Variants in MOB1A observed in about 807,000 individuals in gnomAD.
MOB1A encodes the protein MOB kinase activator 1A, also known as MOB1 Mps One Binder homolog A.
MOB1A carries 10 observed loss-of-function variants against 25.1 expected under a neutral mutation model. That is an observed-to-expected ratio of 0.40 (90% CI 0.25 to 0.68). The LOEUF is 0.68. Among genes scored for constraint, MOB1A ranks in the 30% least tolerant of loss-of-function variants. The pLI, the probability that MOB1A is intolerant of heterozygous loss-of-function variation, is 0.40. For synonymous variants in MOB1A, 81 were observed against 79.5 expected (o/e 1.02, Z -0.10); for missense variants, 177 against 256.3 (o/e 0.69, Z 2.11).
chr2:74,156,579 T>G lies in MOB1A; in HGVS notation c.640A>C (p.Lys214Gln). The G allele has an allele frequency of 6.4e-7, 1 of 1,552,870 alleles. No homozygotes were observed. Among genetic ancestry groups the G allele is most frequent in the South Asian group, 1.2e-5 (1 of 84,192 alleles). Reference protein sequence around the residue: ...LQELIEKLGSKDR With the variant: ...LQELIEKLGSQDR ...TCTAGAAGAAACATTTATCTGTCTT[T>G]TGATCCAAGTTTCTCTATTAATTCT... Residue 214 changes from lysine (K) to glutamine (Q), a missense_variant, in exon 6 of 6, where the codon AAA (lysine) becomes CAA (glutamine). Coordinates refer to ENST00000396049, the MANE Select transcript of MOB1A (RefSeq NM_018221.5).
At chr2:74,177,191 TA>T (rs1693500974) in intron 1 of MOB1A, among the ~76,000 whole-genome samples, 1 of 151,918 alleles carries the variant, frequency 6.6e-6, no homozygotes, top group Non-Finnish European at 1.5e-5. Context: ...CCGGCGCCTG[TA>T]ATCCCAGCTA....
chr2:74,171,904 AAAATAAAT>A (rs58041450), intron 2 of MOB1A, among the ~76,000 whole-genome samples: 60 of 151,998 alleles, frequency 3.9e-4, no homozygotes, highest in Non-Finnish European at 7.6e-4. Context: ...CTCCATCTCA[AAAATAAAT>A]AAATAAATAA....
chr2:74,159,597 A>T (rs930980759), intron 4 of MOB1A, among the ~76,000 whole-genome samples: 2 of 152,026 alleles, frequency 1.3e-5, no homozygotes, highest in African/African-American at 2.4e-5. Context: ...AAGTTTACAC[A>T]CTGCCATGAG....
chr2:74,173,076 C>A lies in MOB1A; in HGVS notation c.15-324G>T. The A allele has an allele frequency of 8.8e-6, 4 of 456,290 alleles. No individual in the cohort carries two copies. The Admixed American group carries it at 9.6e-5, about 11-fold the overall frequency. 28.3% of individuals were successfully genotyped at this position (456,290 alleles called of 1,614,324 possible). ...GCTTGAACCTGGGAGGCAGAGGTTG[C>A]AGTAAGCTGAAATCGCATCACTGCA... On this transcript the variant is annotated intron_variant, in intron 1 of 5. Transcript: ENST00000396049.
chr2:74,178,561 CCGCCTCGGCCCCCAGGCCGAGCCCT>C, intron 1 of MOB1A, 75 bp downstream of exon 1: 1 of 866,088 alleles, frequency 1.2e-6, no homozygotes, highest in South Asian at 3.6e-5. Flanking sequence ...TACCCCGCCC[CCGCCTCGGCCCCCAGGCCGAGCCCT>C]CGCCTCAGGT....
chr2:74,173,071 G>A, intron 1 of MOB1A: 1 of 455,988 alleles, frequency 2.2e-6, no homozygotes, highest in Non-Finnish European at 4.4e-6. Flanking sequence ...GGGAGGCAGA[G>A]GTTGCAGTAA....
chr2:74,167,110 G>A lies in MOB1A; in HGVS notation c.182-3C>T. 1 of 1,609,726 alleles carries A rather than the reference G, an allele frequency of 6.2e-7. No individual in the cohort carries two copies. Among genetic ancestry groups the A allele is most frequent in the Non-Finnish European group, 8.5e-7 (1 of 1,176,930 alleles). ...GATCTGGTTAAAGAAATCCACAGCT[G>A]CAGAGATAATAGAATTGTGTCAAAA... On this transcript the variant is annotated splice_region_variant and splice_polypyrimidine_tract_variant and intron_variant, in intron 2 of 5. Coordinates refer to ENST00000396049, the MANE Select transcript of MOB1A (RefSeq NM_018221.5).
At chr2:74,166,126 G>A (rs1452092302) in intron 3 of MOB1A, among the ~76,000 whole-genome samples, 1 of 151,616 alleles carries the variant, frequency 6.6e-6, no homozygotes, top group Non-Finnish European at 1.5e-5. Flanking sequence ...AAAAGAAACT[G>A]GAAGGAAACA....
intron 5 of MOB1A, among the ~76,000 whole-genome samples, chr2:74,157,556 T>TG (rs1359512882): frequency 6.6e-6 from 1 of 152,128 alleles, no homozygotes; most frequent in African/African-American, 2.4e-5. Context: ...ATATCCCAAA[T>TG]GGGGGGCAGT....
chr2:74,158,912 T>C (rs1265343852), intron 5 of MOB1A, among the ~76,000 whole-genome samples, 179 bp downstream of exon 5: 1 of 152,202 alleles, frequency 6.6e-6, no homozygotes, highest in African/African-American at 2.4e-5. Flanking sequence ...GTGATACCTT[T>C]TTATACTGCT....
intron 4 of MOB1A, among the ~76,000 whole-genome samples, chr2:74,161,239 G>C (rs1022470380): frequency 5.9e-5 from 9 of 152,162 alleles, no homozygotes; most frequent in African/African-American, 2.2e-4. Flanking sequence ...GCTGATGTTT[G>C]TGGTTATTCT....
chr2:74,167,835 A>C (rs1374448251), intron 2 of MOB1A, among the ~76,000 whole-genome samples: 1 of 152,150 alleles, frequency 6.6e-6, no homozygotes, highest in African/African-American at 2.4e-5. Flanking sequence ...AAATTAAAAG[A>C]GATGAATAAT....
chr2:74,175,383 C>A (rs1289783620), intron 1 of MOB1A, among the ~76,000 whole-genome samples: 1 of 152,184 alleles, frequency 6.6e-6, no homozygotes, highest in Non-Finnish European at 1.5e-5. Flanking sequence ...GAAACCATCT[C>A]CCCAACCAGA....
At chr2:74,178,607 C>T in intron 1 of MOB1A, 54 bp downstream of exon 1, 1 of 1,334,280 alleles carries the variant, frequency 7.5e-7, no homozygotes, top group Non-Finnish European at 9.8e-7. Flanking sequence ...CCGGGGAGGC[C>T]TCCCCCACAA....
chr2:74,171,178 A>C (rs1462313372), intron 2 of MOB1A, among the ~76,000 whole-genome samples: 1 of 151,910 alleles, frequency 6.6e-6, no homozygotes, highest in Non-Finnish European at 1.5e-5. Flanking sequence ...GCTACTGGGG[A>C]GGCTGAGGCA....
In MOB1A at chr2:74,154,623, G is replaced by A. The variant is rs1008514203; in HGVS notation, c.*1945C>T. On this transcript the variant is annotated 3_prime_UTR_variant, in exon 6 of 6. Coordinates refer to ENST00000396049, the MANE Select transcript of MOB1A (RefSeq NM_018221.5). ...GAATATTTGAAATACTAGAAATAATGAGGAAAGTACAAGCCTAGCTGAGAA... is the reference window on the plus strand; with the variant it reads ...GAATATTTGAAATACTAGAAATAATAAGGAAAGTACAAGCCTAGCTGAGAA... 1.3e-5 allele frequency: 2 copies of A among 152,210 alleles called. No homozygotes were observed. Among genetic ancestry groups the A allele is most frequent in the South Asian group, 4.1e-4 (2 of 4,828 alleles). 9.4% of individuals were successfully genotyped at this position (152,210 alleles called of 1,614,324 possible). A position where few individuals can be genotyped will look rare whatever the true frequency, so the allele number is the denominator to read the frequency against.
intron 1 of MOB1A, chr2:74,177,920 G>A (rs1693522772): frequency 1.3e-5 from 2 of 152,118 alleles, no homozygotes; most frequent in Non-Finnish European, 2.9e-5. Context: ...TTGGGCTCAG[G>A]CATTATCTCT....
intron 2 of MOB1A, among the ~76,000 whole-genome samples, chr2:74,171,811 G>A (rs1305563327): frequency 6.6e-6 from 1 of 152,070 alleles, no homozygotes; most frequent in Non-Finnish European, 1.5e-5. Flanking sequence ...ACTGAGACAG[G>A]AGAATGGCTT....
At chr2:74,176,839 G>A (rs1002615909) in intron 1 of MOB1A, among the ~76,000 whole-genome samples, 7 of 151,994 alleles carry the variant, frequency 4.6e-5, no homozygotes, top group Non-Finnish European at 1.0e-4. Flanking sequence ...AGTACTTATG[G>A]GAATGTAAAA....
Sources: gnomAD v4.1 joint callset for allele counts (sites outside exome capture counted in the v4.1 genomes callset) on GRCh38, gnomAD v4.1.1 for gene constraint, MANE v1.5 for transcripts, NCBI Gene and HGNC (gene_info 2026-07-23, HGNC 2026-07-21) for gene names.